ZNF408: variants seen among roughly 807,000 people sequenced by gnomAD.
The protein encoded by ZNF408 is PR domain zinc finger protein 17.
Under a neutral mutation model 27.6 loss-of-function variants are expected in ZNF408, and 24 were observed. The ratio of observed to expected loss-of-function variants is 0.87; its 90% CI spans 0.63 to 1.22. The LOEUF (loss-of-function observed/expected upper bound fraction) is 1.22. ZNF408 is among the 50% of genes most tolerant of loss of function. The pLI is 0.00. For synonymous variants in ZNF408, 410 were observed against 396.1 expected (o/e 1.04, Z -0.42); for missense variants, 897 against 949.0 (o/e 0.95, Z 0.72).
In ZNF408 at chr11:46,703,175, CAGAA is replaced by C. The variant is rs1451948221; in HGVS notation, c.585_588del (p.Glu196TrpfsTer21). 1 of 1,156,108 alleles carries C rather than the reference CAGAA, an allele frequency of 8.6e-7. No individual in the cohort carries two copies. Among genetic ancestry groups the C allele is most frequent in the Admixed American group, 3.7e-5 (1 of 27,076 alleles). 71.6% of individuals were successfully genotyped at this position (1,156,108 alleles called of 1,614,324 possible). ...AAAGAGGCAGCTGTAGCAGTGGTGACAGAAGTGGAGTCTGCTGTACAGCAGGAAG... is the reference window on the plus strand; with the variant it reads ...AAAGAGGCAGCTGTAGCAGTGGTGACGTGGAGTCTGCTGTACAGCAGGAAG... On this transcript the variant is annotated frameshift_variant, in exon 4 of 5. Coordinates refer to ENST00000311764, the MANE Select transcript of ZNF408 (RefSeq NM_024741.3). LOFTEE classifies it high-confidence loss of function.
chr11:46,701,273 T>G lies in ZNF408; in HGVS notation c.53-126T>G. The G allele has an allele frequency of 1.9e-6, 3 of 1,557,220 alleles. No homozygotes were observed. The South Asian group carries it at 3.4e-5, about 18-fold the overall frequency. On this transcript the variant is annotated intron_variant, in intron 1 of 4. Transcript: ENST00000311764. Reference sequence around the variant, plus strand: ...AGCCTCCTCAAAACTTTCAGGGCCCTCCTTAGAGCCCTCACCTGTCCCTCG... The same window carrying G: ...AGCCTCCTCAAAACTTTCAGGGCCCGCCTTAGAGCCCTCACCTGTCCCTCG...
In ZNF408 at chr11:46,704,528, G is replaced by A. The variant is rs2064735278; in HGVS notation, c.828G>A (p.Gln276=). The A allele has an allele frequency of 4.3e-6, 7 of 1,613,792 alleles. No individual in the cohort carries two copies. Among genetic ancestry groups the A allele is most frequent in the Non-Finnish European group, 5.9e-6 (7 of 1,180,004 alleles). Residue 276 remains glutamine (Q), a synonymous_variant, in exon 5 of 5, where the codon CAG becomes CAA. Coordinates refer to ENST00000311764, the MANE Select transcript of ZNF408 (RefSeq NM_024741.3). ...PAQAQMPPEL[Q]SNSATQQDPD... ...AGGCACAGATGCCACCTGAACTTCA[G>A]AGCAATTCGGCTACCCAGCAGGACC...
At position 46,705,177 on chromosome 11, in the gene ZNF408, G is replaced by T; in HGVS notation, c.1477G>T (p.Glu493Ter). Residue 493 changes from glutamate to a stop codon, truncating the protein, a stop_gained, in exon 5 of 5, where the codon GAA becomes TAA. Transcript: ENST00000311764. LOFTEE classifies it low-confidence loss of function (END_TRUNC). This position sits in a 1 kb window ranked among gnomAD's most constrained non-coding sequence, Gnocchi z 6.5. ...LRNHMRLHTG[E>*]KPFLCPHCGR... is the part of the protein sequence containing the mutation. ...GAACCATATGAGGCTCCATACAGGA[G>T]AAAAGCCTTTCCTGTGCCCGCACTG... 6.2e-7 allele frequency: 1 copy of T among 1,611,548 alleles called. No individual in the cohort carries two copies.
chr11:46,704,707 C>G lies in ZNF408; in HGVS notation c.1007C>G (p.Ser336Trp). ...CAGCAGTCTGGCTTCCCTACACTCT[C>G]GCGGAGCCCTCCTGGCCCAGCAGGA... is the stretch of plus-strand genomic sequence containing the variant. The part of the protein sequence containing the change: ...GAQQSGFPTL[S>W]RSPPGPAGSS... The change falls in exon 5 of 5, where the codon TCG becomes TGG. Residue 336 changes from serine (S) to tryptophan (W), a missense_variant. Physicochemically the swap from Ser to Trp is radical, Grantham distance 177 (BLOSUM62 -3). Coordinates refer to ENST00000311764, the MANE Select transcript of ZNF408 (RefSeq NM_024741.3). 1 of 1,608,862 alleles carries G rather than the reference C, an allele frequency of 6.2e-7. No individual in the cohort carries two copies. Among genetic ancestry groups the G allele is most frequent in the Non-Finnish European group, 8.5e-7 (1 of 1,177,634 alleles).
rs531501450 is a variant in ZNF408, at chr11:46,705,103, G to C, written c.1403G>C (p.Cys468Ser). ...CAGGTGCCAGCTGCCCCTGCCCCTT[G>C]CCCATGCCCTGTGTGTGGGCGGCCC... ...THQVPAAPAP[C>S]PCPVCGRPLA... The change falls in exon 5 of 5, where the codon TGC (cysteine) becomes TCC (serine). Residue 468 changes from cysteine (C) to serine (S), a missense_variant. Cys to Ser is a moderately radical substitution (Grantham distance 112, BLOSUM62 -1). Transcript: ENST00000311764. The surrounding 1 kb of genome is among the most constrained non-coding windows in gnomAD (Gnocchi z 6.5). 1 of 1,612,062 alleles carries C rather than the reference G, an allele frequency of 6.2e-7. No homozygotes were observed. The highest frequency in any genetic ancestry group is 8.5e-7 in the Non-Finnish European group (1 of 1,179,916).
rs1029681188 is a variant in ZNF408, at chr11:46,705,301, C to T, written c.1601C>T (p.Pro534Leu). Residue 534 changes from proline to leucine, a missense_variant, in exon 5 of 5, where the codon CCC becomes CTC. By Grantham distance (98) the Pro-to-Leu change is moderately conservative. Coordinates refer to ENST00000311764, the MANE Select transcript of ZNF408 (RefSeq NM_024741.3). This position sits in a 1 kb window ranked among gnomAD's most constrained non-coding sequence, Gnocchi z 6.5. ...YRCPHCADAF[P>L]QLPELRRHLI... ...TGCCCACACTGTGCCGATGCCTTCC[C>T]CCAGCTGCCTGAACTGCGGCGCCAT... The T allele has an allele frequency of 1.9e-6, 3 of 1,612,080 alleles. No homozygotes were observed. The highest frequency in any genetic ancestry group is 2.7e-5 in the African/African-American group (2 of 74,936).
At position 46,703,257 on chromosome 11, in the gene ZNF408, A is replaced by C; in HGVS notation, c.652+14A>C. On this transcript the variant is annotated intron_variant, in intron 4 of 4. Coordinates refer to ENST00000311764, the MANE Select transcript of ZNF408 (RefSeq NM_024741.3). ...AACCTTGCATAGGTATGTGTCAAAT[A>C]AATGCTGGTTTCCCAGCAATTTCCC... 6.3e-7 allele frequency: 1 copy of C among 1,598,118 alleles called. No homozygotes were observed. Among genetic ancestry groups the C allele is most frequent in the Non-Finnish European group, 8.5e-7 (1 of 1,170,688 alleles).
intron 4 of ZNF408, among the ~76,000 whole-genome samples, chr11:46,704,123 C>T (rs1407625565): frequency 6.6e-6 from 1 of 152,046 alleles, no homozygotes; most frequent in East Asian, 1.9e-4. Flanking sequence ...TAGTGATTAT[C>T]CAGATGGCTG....
At position 46,702,134 on chromosome 11, in the gene ZNF408, G is replaced by A. The variant is rs916532308; in HGVS notation, c.330+458G>A. ...TTTTCTTAGACAGTCTTGCTTTGTC[G>A]CCCAGGCTGGAGTGCAGTGGCACGA... is the stretch of plus-strand genomic sequence containing the variant. On this transcript the variant is annotated intron_variant, in intron 2 of 4. Transcript: ENST00000311764. Among the ~76,000 whole-genome samples the A allele has an allele frequency of 1.6e-4, 24 of 152,188 alleles. No homozygotes were observed. In the East Asian group the frequency reaches 3.9e-3, roughly 24 times the overall value.
chr11:46,703,896 A>AT (rs1186155844), intron 4 of ZNF408, among the ~76,000 whole-genome samples: 3 of 149,914 alleles, frequency 2.0e-5, no homozygotes, highest in Non-Finnish European at 4.4e-5. Context: ...GCCTCAGCTA[A>AT]TTTTTTTGCA....
intron 2 of ZNF408, 119 bp from the exon 3 acceptor site, chr11:46,702,585 C>A: frequency 9.7e-7 from 1 of 1,027,880 alleles, no homozygotes; most frequent in Non-Finnish European, 1.5e-6. Flanking sequence ...CCAGAGGCTT[C>A]TAACCTTCCA....
rs749384154 is a variant in ZNF408 at position 46,704,760 on chromosome 11, C to T, written c.1060C>T (p.Arg354Trp). Residue 354 changes from arginine (R) to tryptophan (W), a missense_variant, in exon 5 of 5, where the codon CGG (arginine) becomes TGG (tryptophan). By Grantham distance (101) the Arg-to-Trp change is moderately radical (BLOSUM62 -3). Transcript: ENST00000311764. ...CTCCCCAAAGCAGGGGCGACGGTACCGGTGTGGAGAGTGTGGCAAGGCATT... is the reference window on the plus strand; with the variant it reads ...CTCCCCAAAGCAGGGGCGACGGTACTGGTGTGGAGAGTGTGGCAAGGCATT... The part of the protein sequence containing the change: ...GSSPKQGRRY[R>W]CGECGKAFLQ... 32 of 1,592,352 alleles carry T rather than the reference C, an allele frequency of 2.0e-5. No individual in the cohort carries two copies. The highest frequency in any genetic ancestry group is 1.9e-4 in the South Asian group (17 of 88,384).
rs1291163377 is a variant in ZNF408, at chr11:46,704,458, G to A, written c.758G>A (p.Gly253Asp). The change falls in exon 5 of 5, where the codon GGC (glycine) becomes GAC (aspartate). Residue 253 changes from glycine to aspartate, a missense_variant. Physicochemically the swap from Gly to Asp is moderately conservative, Grantham distance 94 (BLOSUM62 -1). Coordinates refer to ENST00000311764, the MANE Select transcript of ZNF408 (RefSeq NM_024741.3). Reference sequence around the variant, plus strand: ...ATTTCCAAGGATAGCCAGCCACTTGGCCCATTGCTTCAGGATGGCGACGTG... The same window carrying A: ...ATTTCCAAGGATAGCCAGCCACTTGACCCATTGCTTCAGGATGGCGACGTG... ...DRISKDSQPLGPLLQDGDVDE... is the reference protein window; with the variant it reads ...DRISKDSQPLDPLLQDGDVDE... 1.2e-6 allele frequency: 2 copies of A among 1,614,116 alleles called. No homozygotes were observed. The highest frequency in any genetic ancestry group is 4.5e-5 in the East Asian group (2 of 44,890).
At chr11:46,702,258 C>G in intron 2 of ZNF408, among the ~76,000 whole-genome samples, 1 of 152,158 alleles carries the variant, frequency 6.6e-6, no homozygotes, top group East Asian at 1.9e-4. Context: ...CCACACCCAG[C>G]TAATTTTTGT....
rs761653462 is a variant in ZNF408, at chr11:46,701,042, C to T, written c.-6C>T. 3.7e-6 allele frequency: 6 copies of T among 1,613,920 alleles called. No homozygotes were observed. The South Asian group carries it at 4.4e-5, about 12-fold the overall frequency. Reference sequence around the variant, plus strand: ...CTTCCGGCGTAGGGAGGCTTTCTGACCCGGAATGGAGGAGGCGGAGGAGCT... The same window carrying T: ...CTTCCGGCGTAGGGAGGCTTTCTGATCCGGAATGGAGGAGGCGGAGGAGCT... On this transcript the variant is annotated 5_prime_UTR_variant, in exon 1 of 5. Transcript: ENST00000311764.
intron 4 of ZNF408, among the ~76,000 whole-genome samples, chr11:46,703,764 GT>G (rs1276758688): frequency 1.3e-5 from 1 of 75,480 alleles, no homozygotes; most frequent in Admixed American, 1.6e-4. Context: ...TGTTGTTGTT[GT>G]TGTTGTTTTT....
In ZNF408 at chr11:46,704,700, A is replaced by G. The variant is rs778093196; in HGVS notation, c.1000A>G (p.Thr334Ala). Residue 334 changes from threonine to alanine, a missense_variant, in exon 5 of 5, where the codon ACA becomes GCA. Physicochemically the swap from Thr to Ala is moderately conservative, Grantham distance 58. Transcript: ENST00000311764. ...TGGAGCCCAGCAGTCTGGCTTCCCT[A>G]CACTCTCGCGGAGCCCTCCTGGCCC... ...EPGAQQSGFP[T>A]LSRSPPGPAG... 3.7e-6 allele frequency: 6 copies of G among 1,610,812 alleles called. No homozygotes were observed. Among genetic ancestry groups the G allele is most frequent in the Middle Eastern group, 1.7e-4 (1 of 6,056 alleles).
Position 46,704,552 on chromosome 11 carries a change from C to G in ZNF408, c.852C>G (p.Asp284Glu). The change falls in exon 5 of 5, where the codon GAC becomes GAG. Residue 284 changes from aspartate to glutamate, a missense_variant. Transcript: ENST00000311764. ...ELQSNSATQQ[D>E]PDGSGASFSS... The stretch of plus-strand genomic sequence containing the variant: ...AGAGCAATTCGGCTACCCAGCAGGA[C>G]CCAGATGGCAGTGGAGCCAGTTTCT... 1 of 1,613,656 alleles carries G rather than the reference C, an allele frequency of 6.2e-7. No homozygotes were observed. Among genetic ancestry groups the G allele is most frequent in the Non-Finnish European group, 8.5e-7 (1 of 1,179,908 alleles).
rs201779660 is a variant in ZNF408 at position 46,701,109 on chromosome 11, C to T, written c.52+10C>T. 2.5e-6 allele frequency: 4 copies of T among 1,614,086 alleles called. No homozygotes were observed. The highest frequency in any genetic ancestry group is 1.3e-5 in the African/African-American group (1 of 75,056). Reference sequence around the variant, plus strand: ...AAGGCGCTGCAACTCGGTGAGTGACCTGCGATGTCCGCGACCCTCAACCTT... The same window carrying T: ...AAGGCGCTGCAACTCGGTGAGTGACTTGCGATGTCCGCGACCCTCAACCTT... On this transcript the variant is annotated intron_variant, in intron 1 of 4. Coordinates refer to ENST00000311764, the MANE Select transcript of ZNF408 (RefSeq NM_024741.3).
Sources: allele counts gnomAD v4.1 joint callset (sites outside exome capture counted in the v4.1 genomes callset), GRCh38; gene constraint gnomAD v4.1.1; non-coding constraint Gnocchi (gnomAD v3.1); transcripts MANE v1.5; gene names NCBI Gene and HGNC (gene_info 2026-07-23, HGNC 2026-07-21).